Variants in CSGALNACT1 observed in about 807,000 individuals in gnomAD.
CSGALNACT1 encodes chondroitin sulfate N-acetylgalactosaminyltransferase 1.
In CSGALNACT1, 52 loss-of-function variants were observed where a neutral mutation model predicts 51.0. That is an observed-to-expected ratio of 1.02 (90% CI 0.82 to 1.29). The LOEUF is 1.29. Among genes scored for constraint, CSGALNACT1 ranks in the 50% most tolerant of loss-of-function variants. CSGALNACT1 has a pLI of 0.00. For synonymous variants in CSGALNACT1, 341 were observed against 254.4 expected (o/e 1.34, Z -3.24); for missense variants, 935 against 679.2 (o/e 1.38, Z -4.19).
chr8:19,537,842 G>T (rs1226176682), intron 3 of CSGALNACT1, among the ~76,000 whole-genome samples: 1 of 152,158 alleles, frequency 6.6e-6, no homozygotes, highest in African/African-American at 2.4e-5. Context: ...AGTAGACAAA[G>T]TACTATTTGA....
chr8:19,543,674 C>A (rs1363976150), intron 3 of CSGALNACT1, among the ~76,000 whole-genome samples: 1 of 152,170 alleles, frequency 6.6e-6, no homozygotes, highest in African/African-American at 2.4e-5. Context: ...TTTATGTAGC[C>A]TTTCATGTAC....
intron 1 of CSGALNACT1, among the ~76,000 whole-genome samples, chr8:19,676,142 C>A (rs1408866077): frequency 2.2e-5 from 3 of 138,682 alleles, no homozygotes; most frequent in South Asian, 2.3e-4. Flanking sequence ...AGAGTTTACA[C>A]AAGATAACAT....
chr8:19,487,448 G>C (rs1390907038), intron 4 of CSGALNACT1, among the ~76,000 whole-genome samples: 2 of 152,180 alleles, frequency 1.3e-5, no homozygotes, highest in Non-Finnish European at 2.9e-5. Context: ...TCAACACGAT[G>C]GTGGAGCCCA....
intron 1 of CSGALNACT1, among the ~76,000 whole-genome samples, chr8:19,720,178 C>T (rs934691971): frequency 2.0e-5 from 3 of 152,226 alleles, no homozygotes; most frequent in African/African-American, 7.2e-5. Context: ...TCTCCTAGCA[C>T]AAGAGAAGTG....
At chr8:19,514,133 G>C (rs2079016859) in intron 3 of CSGALNACT1, among the ~76,000 whole-genome samples, 1 of 152,134 alleles carries the variant, frequency 6.6e-6, no homozygotes, top group Non-Finnish European at 1.5e-5. Flanking sequence ...AAGCAGATCA[G>C]TATTACTGTG....
rs553514038 is a variant in CSGALNACT1 at position 19,617,929 on chromosome 8, G to C, written c.-543-16064C>G. ...GATTCTCTCTCCATCACCCAGGCTA[G>C]AGAGCAGTGGTGTGATCATAGTTCA... On this transcript the variant is annotated intron_variant, in intron 1 of 9. Transcript: ENST00000332246. 2.6e-5 allele frequency among the ~76,000 whole-genome samples: 4 copies of C among 152,124 alleles called. No homozygotes were observed. The East Asian group carries it at 5.8e-4, about 22-fold the overall frequency.
intron 2 of CSGALNACT1, among the ~76,000 whole-genome samples, chr8:19,594,321 C>G (rs550742053): frequency 6.6e-6 from 1 of 152,098 alleles, no homozygotes. Context: ...GGACAGTGGT[C>G]AAAGTGCCAA....
At chr8:19,578,852 A>G (rs892932534) in intron 3 of CSGALNACT1, among the ~76,000 whole-genome samples, 2 of 152,020 alleles carry the variant, frequency 1.3e-5, no homozygotes, top group Admixed American at 6.6e-5. Flanking sequence ...TCTTCATCCT[A>G]TCTGATATCA....
chr8:19,434,027 A>T (rs1360450243), intron 6 of CSGALNACT1, among the ~76,000 whole-genome samples: 1 of 152,046 alleles, frequency 6.6e-6, no homozygotes, highest in Non-Finnish European at 1.5e-5. Context: ...AGCAAGTTAA[A>T]CCTCCATAAA....
At chr8:19,626,313 C>T (rs1220013982) in intron 1 of CSGALNACT1, among the ~76,000 whole-genome samples, 1 of 151,902 alleles carries the variant, frequency 6.6e-6, no homozygotes, top group Non-Finnish European at 1.5e-5. Context: ...ATTTAAAAAG[C>T]AACTGAATGG....
intron 4 of CSGALNACT1, among the ~76,000 whole-genome samples, chr8:19,496,871 G>A (rs910144223): frequency 6.6e-6 from 1 of 152,084 alleles, no homozygotes; most frequent in Non-Finnish European, 1.5e-5. Context: ...AACCCCAATG[G>A]GTGCTAATAA....
chr8:19,749,496 G>A (rs1015895781), intron 1 of CSGALNACT1, among the ~76,000 whole-genome samples: 4 of 152,104 alleles, frequency 2.6e-5, no homozygotes, highest in South Asian at 2.1e-4. Context: ...TGAGGTAGAC[G>A]TTTCTGAACT....
At chr8:19,585,254 A>G (rs1225429210) in intron 3 of CSGALNACT1, 2 of 152,200 alleles carry the variant, frequency 1.3e-5, no homozygotes, top group African/African-American at 4.8e-5. Context: ...TCCTCCAACC[A>G]CAAGTTAAGC....
At chr8:19,678,321 A>C (rs1010890711) in intron 1 of CSGALNACT1, among the ~76,000 whole-genome samples, 3 of 152,190 alleles carry the variant, frequency 2.0e-5, no homozygotes, top group South Asian at 4.1e-4. Context: ...GAAACCTAAC[A>C]AACAGGCAAA....
intron 1 of CSGALNACT1, among the ~76,000 whole-genome samples, chr8:19,687,986 T>G (rs1479269868): frequency 6.6e-6 from 1 of 152,208 alleles, no homozygotes; most frequent in Non-Finnish European, 1.5e-5. Context: ...ATCCGTGTTG[T>G]GGTTTGCAAG....
chr8:19,461,109 T>G (rs1285999775), intron 4 of CSGALNACT1, among the ~76,000 whole-genome samples: 1 of 152,216 alleles, frequency 6.6e-6, no homozygotes, highest in Non-Finnish European at 1.5e-5. Context: ...CCTGCTTGAC[T>G]GCCCTCAAAG....
At chr8:19,504,652 G>T (rs1173815593) in intron 4 of CSGALNACT1, among the ~76,000 whole-genome samples, 1 of 152,206 alleles carries the variant, frequency 6.6e-6, no homozygotes, top group African/African-American at 2.4e-5. Context: ...TAGAGGTTAA[G>T]GACATGGACT....
At chr8:19,713,633 T>C (rs919600367) in intron 1 of CSGALNACT1, among the ~76,000 whole-genome samples, 7 of 152,030 alleles carry the variant, frequency 4.6e-5, no homozygotes, top group African/African-American at 1.7e-4. Context: ...AGGCAGACAC[T>C]GGACTGCTGC....
chr8:19,448,696 C>A (rs1441789014), intron 5 of CSGALNACT1, among the ~76,000 whole-genome samples: 1 of 152,164 alleles, frequency 6.6e-6, no homozygotes, highest in Non-Finnish European at 1.5e-5. Flanking sequence ...AGAGGCAGGG[C>A]TTTCACAGCT....
Sources: gnomAD v4.1 joint callset for allele counts (sites outside exome capture counted in the v4.1 genomes callset) on GRCh38, gnomAD v4.1.1 for gene constraint, MANE v1.5 for transcripts, NCBI Gene and HGNC (gene_info 2026-07-23, HGNC 2026-07-21) for gene names.